Variants in HIBADH observed in about 807,000 individuals in gnomAD.
The protein encoded by HIBADH is 3-hydroxyisobutyrate dehydrogenase, mitochondrial.
A neutral mutation model predicts 36.1 loss-of-function variants in HIBADH; 25 were observed. The ratio of observed to expected loss-of-function variants is 0.69; its 90% CI spans 0.50 to 0.97. HIBADH has a LOEUF of 0.97. HIBADH is among the 50% of genes least tolerant of loss of function. The pLI, the probability that HIBADH is intolerant of heterozygous loss-of-function variation, is 0.00. For synonymous variants in HIBADH, 160 were observed against 149.5 expected (o/e 1.07, Z -0.51); for missense variants, 421 against 418.0 (o/e 1.01, Z -0.06).
Position 27,607,744 on chromosome 7 carries a change from C to CA in HIBADH, c.484+21626dup, listed in dbSNP as rs5883093. 1.5e-3 allele frequency among the ~76,000 whole-genome samples: 229 copies of CA among 148,870 alleles called. 1 individual carries two copies. The highest frequency in any genetic ancestry group is 2.1e-3 in the Non-Finnish European group (139 of 66,774). On this transcript the variant is annotated intron_variant, in intron 4 of 7. Transcript: ENST00000265395. ...CTGCTTATCTAATGAAAGAATGCTG[C>CA]AAAAAAAAAAAATGTTATAGCCTAA...
chr7:27,525,445 C>A lies in HIBADH; in HGVS notation c.*769G>T, dbSNP rs920515065. ...AAACAAAAACACCAAGAAAGTATTA[C>A]CAGTATAGAAATTTATTTGAATTCA... is the stretch of plus-strand genomic sequence containing the variant. On this transcript the variant is annotated 3_prime_UTR_variant, in exon 8 of 8. Transcript: ENST00000265395. The A allele has an allele frequency of 6.6e-6, 1 of 151,924 alleles. No individual in the cohort carries two copies. Among genetic ancestry groups the A allele is most frequent in the East Asian group, 1.9e-4 (1 of 5,190 alleles). The allele number at this position is 151,924 out of a possible 1,614,324, so 9.4% of individuals were successfully genotyped here. A position where few individuals can be genotyped will look rare whatever the true frequency, so the allele number is the denominator to read the frequency against.
chr7:27,654,274 TAG>T (rs1333170197), intron 1 of HIBADH, among the ~76,000 whole-genome samples: 1 of 152,122 alleles, frequency 6.6e-6, no homozygotes, highest in Admixed American at 6.5e-5. Flanking sequence ...CATATGTAAC[TAG>T]AGTCCTCAAA....
At chr7:27,610,180 T>A (rs1463822691) in intron 4 of HIBADH, among the ~76,000 whole-genome samples, 1 of 152,182 alleles carries the variant, frequency 6.6e-6, no homozygotes, top group African/African-American at 2.4e-5. Context: ...CCCATGGAGA[T>A]GAATTATTTT....
intron 1 of HIBADH, among the ~76,000 whole-genome samples, chr7:27,652,781 G>A (rs1362392835): frequency 5.3e-5 from 8 of 152,108 alleles, no homozygotes; most frequent in Non-Finnish European, 8.8e-5. Flanking sequence ...AGCTCTATCC[G>A]CATGATCTAA....
chr7:27,609,919 C>T (rs775647937), intron 4 of HIBADH, among the ~76,000 whole-genome samples: 9 of 151,882 alleles, frequency 5.9e-5, no homozygotes, highest in Non-Finnish European at 1.2e-4. Context: ...CAAGTTCAAG[C>T]GATTCTCCTG....
intron 4 of HIBADH, among the ~76,000 whole-genome samples, chr7:27,572,416 CAAAGT>C (rs1784643310): frequency 2.0e-5 from 3 of 152,162 alleles, no homozygotes; most frequent in South Asian, 2.1e-4. Flanking sequence ...CCTTAAATGT[CAAAGT>C]AAAGAGTGAT....
rs3072901 is a variant in HIBADH at position 27,635,086 on chromosome 7, A to ATG, written c.253-2643_253-2642dup. Among the ~76,000 whole-genome samples, 1,476 of 149,600 alleles carry ATG rather than the reference A, an allele frequency of 9.9e-3. 13 individuals carry two copies. The highest frequency in any genetic ancestry group is 0.014 in the African/African-American group (550 of 40,668). ...TCTCTCTTTCTCTCTCTCTCTGTGC[A>ATG]TGTGTGTGTGTGTGTGTGTGTGTGT... On this transcript the variant is annotated intron_variant, in intron 2 of 7. Transcript: ENST00000265395.
intron 4 of HIBADH, among the ~76,000 whole-genome samples, chr7:27,553,626 A>G (rs902325673): frequency 7.2e-5 from 11 of 152,328 alleles, no homozygotes; most frequent in African/African-American, 2.6e-4. Flanking sequence ...CAAATCAGAG[A>G]TGAAATGGTT....
chr7:27,593,510 T>C (rs915176151), intron 4 of HIBADH, among the ~76,000 whole-genome samples: 2 of 152,166 alleles, frequency 1.3e-5, no homozygotes, highest in African/African-American at 4.8e-5. Context: ...AAAAAAGATA[T>C]TTCTTCAACA....
intron 4 of HIBADH, among the ~76,000 whole-genome samples, chr7:27,584,647 C>A (rs1184026500): frequency 6.6e-6 from 1 of 152,054 alleles, no homozygotes; most frequent in Non-Finnish European, 1.5e-5. Context: ...CTTCTCAAGA[C>A]AACCCCAATA....
At chr7:27,637,117 A>G (rs1292532789) in intron 2 of HIBADH, among the ~76,000 whole-genome samples, 1 of 152,188 alleles carries the variant, frequency 6.6e-6, no homozygotes, top group Non-Finnish European at 1.5e-5. Flanking sequence ...AGCAGCAGTA[A>G]TAGTAGTAGC....
At chr7:27,631,714 T>C (rs1410285836) in intron 3 of HIBADH, among the ~76,000 whole-genome samples, 13 of 152,184 alleles carry the variant, frequency 8.5e-5, no homozygotes, top group African/African-American at 3.1e-4. Context: ...ATGCCTAGTG[T>C]TCCATTTATG....
intron 4 of HIBADH, among the ~76,000 whole-genome samples, chr7:27,548,440 A>T (rs1384156610): frequency 6.6e-6 from 1 of 152,122 alleles, no homozygotes; most frequent in African/African-American, 2.4e-5. Context: ...TAAGGAAAAT[A>T]CATATAGCTA....
In HIBADH at chr7:27,645,368, A is replaced by ATGTTTTTTTTTTTT. The variant is rs1554300959; in HGVS notation, c.252+4104_252+4105insAAAAAAAAAAAACA. Among the ~76,000 whole-genome samples, 592 of 59,614 alleles carry ATGTTTTTTTTTTTT rather than the reference A, an allele frequency of 9.9e-3. 163 individuals carry two copies. The highest frequency in any genetic ancestry group is 0.011 in the African/African-American group (167 of 15,862). 39.1% of individuals were successfully genotyped at this position (59,614 alleles called of 152,430 possible). On this transcript the variant is annotated intron_variant, in intron 2 of 7. Transcript: ENST00000265395. ...CTAGTGGGTGTGTCTCATGGTTTTG[A>ATGTTTTTTTTTTTT]TTTTTTTTTTTTTTTTTTTTTTTTT...
chr7:27,590,704 G>A (rs1980330), intron 4 of HIBADH, among the ~76,000 whole-genome samples: 1 of 152,024 alleles, frequency 6.6e-6, no homozygotes, highest in Non-Finnish European at 1.5e-5. Flanking sequence ...TGTTAATCCC[G>A]TCATAGTCCC....
Position 27,527,917 on chromosome 7 carries a change from CGTTTTTTTTTT to C in HIBADH, c.853-1556_853-1546del. Among the ~76,000 whole-genome samples the C allele has an allele frequency of 2.6e-5, 2 of 77,040 alleles. 1 individual carries two copies. Among genetic ancestry groups the C allele is most frequent in the Admixed American group, 3.3e-4 (2 of 6,068 alleles). 50.5% of individuals were successfully genotyped at this position (77,040 alleles called of 152,430 possible). On this transcript the variant is annotated intron_variant, in intron 7 of 7. Coordinates refer to ENST00000265395, the MANE Select transcript of HIBADH (RefSeq NM_152740.4). Reference sequence around the variant, plus strand: ...AGGCATTTGCCACCACCACACCCAGCGTTTTTTTTTTTTTTTTTTTTTTTTAGTAGAGACAG... The same window carrying C: ...AGGCATTTGCCACCACCACACCCAGCTTTTTTTTTTTTTTAGTAGAGACAG...
At chr7:27,573,677 ACTCT>A (rs1227886072) in intron 4 of HIBADH, among the ~76,000 whole-genome samples, 15 of 152,262 alleles carry the variant, frequency 9.9e-5, no homozygotes, top group Non-Finnish European at 1.3e-4. Flanking sequence ...GTAGCGGCAG[ACTCT>A]CTAAGGCTGT....
At position 27,535,619 on chromosome 7, in the gene HIBADH, T is replaced by C. The variant is rs1784060874; in HGVS notation, c.695+2722A>G. Among the ~76,000 whole-genome samples the C allele has an allele frequency of 5.3e-5, 8 of 152,246 alleles. No homozygotes were observed. In the South Asian group the frequency reaches 1.5e-3, roughly 28 times the overall value. Reference sequence around the variant, plus strand: ...ATGTGATACACAGGAACAAAACCTCTCTAATACAAGTAGGGTACTTTCAGG... The same window carrying C: ...ATGTGATACACAGGAACAAAACCTCCCTAATACAAGTAGGGTACTTTCAGG... On this transcript the variant is annotated intron_variant, in intron 6 of 7. Coordinates refer to ENST00000265395, the MANE Select transcript of HIBADH (RefSeq NM_152740.4).
At chr7:27,632,947 AG>A (rs1785772799) in intron 2 of HIBADH, among the ~76,000 whole-genome samples, 1 of 152,188 alleles carries the variant, frequency 6.6e-6, no homozygotes, top group East Asian at 1.9e-4. Context: ...AAAAAAAAGA[AG>A]AAAGTATCTG....
Sources: gnomAD v4.1 joint callset for allele counts (sites outside exome capture counted in the v4.1 genomes callset) on GRCh38, gnomAD v4.1.1 for gene constraint, MANE v1.5 for transcripts, NCBI Gene and HGNC (gene_info 2026-07-23, HGNC 2026-07-21) for gene names.